Variants in SH3D19 observed in about 807,000 individuals in gnomAD.
The protein encoded by SH3D19 is SH3 domain-containing protein 19.
SH3D19 carries 58 observed loss-of-function variants against 112.1 expected under a neutral mutation model. The observed-to-expected ratio is 0.52, with a 90% CI of 0.42 to 0.64. The LOEUF (loss-of-function observed/expected upper bound fraction) is 0.64. SH3D19 is among the 30% of genes least tolerant of loss of function. The pLI is 0.00. For missense variants in SH3D19, 1,090 were observed against 1,263.4 expected (o/e 0.86, Z 2.08); for synonymous variants, 391 against 448.5 (o/e 0.87, Z 1.62).
At chr4:151,280,367 G>A (rs575714982) in intron 1 of SH3D19, among the ~76,000 whole-genome samples, 7 of 152,192 alleles carry the variant, frequency 4.6e-5, no homozygotes, top group Non-Finnish European at 7.4e-5. Flanking sequence ...GCCTACCAAC[G>A]TGAGTTTGGA....
At chr4:151,238,681 C>CTG (rs1354054593) in intron 1 of SH3D19, among the ~76,000 whole-genome samples, 1 of 151,996 alleles carries the variant, frequency 6.6e-6, no homozygotes, top group Non-Finnish European at 1.5e-5. Flanking sequence ...TTCTTCCGAT[C>CTG]TGTGACTTCT....
chr4:151,270,645 T>C (rs1017801388), intron 1 of SH3D19, among the ~76,000 whole-genome samples: 1 of 152,176 alleles, frequency 6.6e-6, no homozygotes, highest in African/African-American at 2.4e-5. Context: ...AGCACCACCA[T>C]GAACACTTGA....
chr4:151,279,552 A>G (rs1407176129), intron 1 of SH3D19, among the ~76,000 whole-genome samples: 1 of 152,168 alleles, frequency 6.6e-6, no homozygotes, highest in Non-Finnish European at 1.5e-5. Context: ...TGTTAATGAT[A>G]CCCTATTTCT....
Position 151,287,341 on chromosome 4 carries a change from C to CA in SH3D19, c.112+37899dup, listed in dbSNP as rs34944826. 4.4e-3 allele frequency among the ~76,000 whole-genome samples: 359 copies of CA among 82,330 alleles called. 4 individuals are homozygous for CA. Among genetic ancestry groups the CA allele is most frequent in the African/African-American group, 0.012 (278 of 22,552 alleles). The allele number at this position is 82,330 out of a possible 152,430, so 54.0% of individuals were successfully genotyped here. On this transcript the variant is annotated intron_variant, in intron 1 of 19. Coordinates refer to ENST00000604030, the MANE Select transcript of SH3D19 (RefSeq NM_001378122.1). ...CGGTTACAGAGCAAGACTCTGTCTC[C>CA]AAAAAAAAAAAAAAAAAAAAGAGGG...
intron 1 of SH3D19, among the ~76,000 whole-genome samples, chr4:151,316,570 A>G (rs574874628): frequency 8.6e-5 from 13 of 151,700 alleles, no homozygotes; most frequent in Non-Finnish European, 8.8e-5. Context: ...TCTAAAAAAC[A>G]TTTAATTTTT....
intron 1 of SH3D19, among the ~76,000 whole-genome samples, chr4:151,319,963 G>A (rs902804346): frequency 6.6e-6 from 1 of 152,132 alleles, no homozygotes; most frequent in Non-Finnish European, 1.5e-5. Flanking sequence ...CACCATTCCA[G>A]TATTTACTAG....
intron 1 of SH3D19, among the ~76,000 whole-genome samples, chr4:151,303,336 A>G (rs1728634844): frequency 6.6e-6 from 1 of 152,228 alleles, no homozygotes; most frequent in South Asian, 2.1e-4. Context: ...TTTCTTGAAT[A>G]GATTATCAAT....
At chr4:151,274,204 G>T (rs749299724) in intron 1 of SH3D19, among the ~76,000 whole-genome samples, 3 of 152,148 alleles carry the variant, frequency 2.0e-5, no homozygotes, top group Non-Finnish European at 4.4e-5. Flanking sequence ...AAAAATTCAT[G>T]GTGTTGCAGT....
At chr4:151,202,217 C>T (rs1764501009) in intron 2 of SH3D19, among the ~76,000 whole-genome samples, 1 of 152,054 alleles carries the variant, frequency 6.6e-6, no homozygotes, top group South Asian at 2.1e-4. Flanking sequence ...CACCTGTAGT[C>T]CTAGCTACTA....
intron 3 of SH3D19, among the ~76,000 whole-genome samples, chr4:151,185,832 G>A (rs1761688350): frequency 6.6e-6 from 1 of 151,772 alleles, no homozygotes; most frequent in Non-Finnish European, 1.5e-5. Context: ...AATCACTTGA[G>A]GTCAGGAGAC....
chr4:151,271,506 A>G (rs1019080070), intron 1 of SH3D19, among the ~76,000 whole-genome samples: 14 of 152,196 alleles, frequency 9.2e-5, no homozygotes, highest in African/African-American at 3.1e-4. Context: ...GGTTGTCACA[A>G]CTAGGTGTAG....
chr4:151,210,553 C>T, intron 2 of SH3D19, among the ~76,000 whole-genome samples: 1 of 152,080 alleles, frequency 6.6e-6, no homozygotes, highest in East Asian at 1.9e-4. Flanking sequence ...AGGCACCTGC[C>T]ACCACACCTG....
intron 2 of SH3D19, among the ~76,000 whole-genome samples, chr4:151,193,746 T>A (rs1157755474): frequency 6.6e-6 from 1 of 152,206 alleles, no homozygotes; most frequent in African/African-American, 2.4e-5. Context: ...TAGCATTTAC[T>A]GCAACATATG....
Position 151,176,883 on chromosome 4 carries a change from T to G in SH3D19, c.309A>C (p.Pro103=), listed in dbSNP as rs1760030415. Reference sequence around the variant, plus strand: ...CAGATGATGTAGGAAATCCCAGTCCTGGGGGTGGGGTTCCTGGAAACCACG... The same window carrying G: ...CAGATGATGTAGGAAATCCCAGTCCGGGGGGTGGGGTTCCTGGAAACCACG... ...PASWFPGTPP[P]GLGFPTSSAA... Residue 103 remains proline, a synonymous_variant, in exon 5 of 20, where the codon CCA becomes CCC. Transcript: ENST00000604030. 41 of 1,232,044 alleles carry G rather than the reference T, an allele frequency of 3.3e-5. No homozygotes were observed. Among genetic ancestry groups the G allele is most frequent in the Non-Finnish European group, 4.0e-5 (40 of 987,960 alleles). The allele number at this position is 1,232,044 out of a possible 1,614,324, so 76.3% of individuals were successfully genotyped here.
At chr4:151,188,712 C>G (rs1016364782) in intron 2 of SH3D19, among the ~76,000 whole-genome samples, 2 of 152,170 alleles carry the variant, frequency 1.3e-5, no homozygotes, top group African/African-American at 4.8e-5. Context: ...CATCCTTTGT[C>G]TCTTTTGTTG....
chr4:151,214,856 C>T (rs1201870589), intron 2 of SH3D19, among the ~76,000 whole-genome samples: 2 of 148,990 alleles, frequency 1.3e-5, no homozygotes, highest in Non-Finnish European at 3.0e-5. Flanking sequence ...CGGGCAGAGA[C>T]GCTCCTCACT....
chr4:151,229,014 C>G (rs938658969), intron 1 of SH3D19, among the ~76,000 whole-genome samples: 6 of 150,794 alleles, frequency 4.0e-5, no homozygotes, highest in African/African-American at 1.5e-4. Flanking sequence ...CAGGCACATG[C>G]CACCACGCCT....
chr4:151,243,261 GA>G (rs1770689567), intron 1 of SH3D19, among the ~76,000 whole-genome samples: 1 of 152,080 alleles, frequency 6.6e-6, no homozygotes, highest in South Asian at 2.1e-4. Flanking sequence ...CTATTTGTAA[GA>G]AAAATCATTT....
At chr4:151,150,991 C>T (rs1158143591) in intron 9 of SH3D19, among the ~76,000 whole-genome samples, 9 of 138,592 alleles carry the variant, frequency 6.5e-5, no homozygotes, top group Admixed American at 3.7e-4. Flanking sequence ...GACAGAGTCT[C>T]ACTCTGTCCC....
Sources: gnomAD v4.1 joint callset for allele counts (sites outside exome capture counted in the v4.1 genomes callset) on GRCh38, gnomAD v4.1.1 for gene constraint, MANE v1.5 for transcripts, NCBI Gene and HGNC (gene_info 2026-07-23, HGNC 2026-07-21) for gene names.